Variants in MRAP2 observed in about 807,000 individuals in gnomAD.
The protein encoded by MRAP2 is melanocortin 2 receptor accessory protein 2.
MRAP2 carries 20 observed loss-of-function variants against 17.4 expected under a neutral mutation model. The observed-to-expected ratio is 1.15, with a 90% CI of 0.81 to 1.67. MRAP2 has a LOEUF of 1.67. Ranked by LOEUF, MRAP2 falls within the 40% of genes most tolerant of loss-of-function variation. The pLI is 0.00. For synonymous variants in MRAP2, 96 were observed against 88.4 expected (o/e 1.09, Z -0.48); for missense variants, 238 against 240.0 (o/e 0.99, Z 0.05).
At chr6:84,112,931 A>G in the MRAP2 span, among the ~76,000 whole-genome samples, 1 of 152,118 alleles carries the variant, frequency 6.6e-6, no homozygotes, top group African/African-American at 2.4e-5. Context: ...TTTAATCCTG[A>G]GTTCTAATTT....
chr6:84,121,076 A>AT, the MRAP2 span, among the ~76,000 whole-genome samples: 5 of 143,126 alleles, frequency 3.5e-5, no homozygotes, highest in African/African-American at 8.9e-5. Context: ...TTTATTTTTT[A>AT]ATTTTTTTTT....
At chr6:84,128,187 T>C in the MRAP2 span, among the ~76,000 whole-genome samples, 9 of 152,212 alleles carry the variant, frequency 5.9e-5, no homozygotes, top group African/African-American at 2.2e-4. Context: ...TAAACATTCA[T>C]TGGTAAATCA....
Position 84,071,814 on chromosome 6 carries a change from C to T in MRAP2, c.227+8822C>T, listed in dbSNP as rs528345358. Among the ~76,000 whole-genome samples, 233 of 152,186 alleles carry T rather than the reference C, an allele frequency of 1.5e-3. 2 individuals carry two copies. Among genetic ancestry groups the T allele is most frequent in the African/African-American group, 5.3e-3 (221 of 41,548 alleles). On this transcript the variant is annotated intron_variant, in intron 3 of 3. Transcript: ENST00000257776. ...TTCAATGTGTTGGATTGGGTTAATT[C>T]GAAGACCTTGTCTTCGAGCTCTGAA...
the MRAP2 span, among the ~76,000 whole-genome samples, chr6:84,098,346 T>G: frequency 1.3e-5 from 2 of 152,214 alleles, no homozygotes; most frequent in African/African-American, 4.8e-5. Flanking sequence ...CATAATTTGC[T>G]TATCTATTTA....
chr6:84,051,920 T>TC (rs1562875206), intron 1 of MRAP2, among the ~76,000 whole-genome samples: 1 of 152,086 alleles, frequency 6.6e-6, no homozygotes, highest in Non-Finnish European at 1.5e-5. Flanking sequence ...TCTCCCGTCT[T>TC]CCCCAACAAT....
intron 1 of MRAP2, among the ~76,000 whole-genome samples, chr6:84,054,263 C>G (rs2099491145): frequency 6.6e-6 from 1 of 152,194 alleles, no homozygotes; most frequent in African/African-American, 2.4e-5. Context: ...GCCCACCCCA[C>G]AGTGTGCGGT....
the MRAP2 span, among the ~76,000 whole-genome samples, chr6:84,106,202 A>G: frequency 6.6e-6 from 1 of 152,172 alleles, no homozygotes; most frequent in Non-Finnish European, 1.5e-5. Context: ...GGCCACTGAC[A>G]TACTTCTTTG....
Position 84,089,101 on chromosome 6 carries a change from T to G in MRAP2, c.238T>G (p.Ser80Ala). The change falls in exon 4 of 4, where the codon TCC becomes GCC. Residue 80 changes from serine (S) to alanine (A), a missense_variant. By Grantham distance (99) the Ser-to-Ala change is moderately conservative (BLOSUM62 1). Transcript: ENST00000257776. The part of the protein sequence containing the change: ...TGAPHQDNAE[S>A]SEKRFRMNSF... ...TCTTTTTTTAAATAGCAATGCAGAG[T>G]CCTCAGAGAAGAGATTCAGAATGAA... 1 of 1,610,606 alleles carries G rather than the reference T, an allele frequency of 6.2e-7. No individual in the cohort carries two copies. Among genetic ancestry groups the G allele is most frequent in the African/African-American group, 1.3e-5 (1 of 74,544 alleles).
chr6:84,111,185 T>G, the MRAP2 span, among the ~76,000 whole-genome samples: 2 of 152,214 alleles, frequency 1.3e-5, no homozygotes, highest in Non-Finnish European at 2.9e-5. Context: ...ATCTATAAAT[T>G]ACTTTGGGCA....
intron 2 of MRAP2, among the ~76,000 whole-genome samples, chr6:84,058,934 G>A (rs1218607962): frequency 6.6e-6 from 1 of 152,202 alleles, no homozygotes; most frequent in Non-Finnish European, 1.5e-5. Context: ...GGGGTAAAAG[G>A]TTGATGGAAT....
chr6:84,097,226 G>T, the MRAP2 span, among the ~76,000 whole-genome samples: 2 of 152,132 alleles, frequency 1.3e-5, no homozygotes, highest in African/African-American at 4.8e-5. Flanking sequence ...GTGTGGTGGG[G>T]TAGGGCAGGG....
At chr6:84,095,373 C>T (rs1290104451), downstream of MRAP2, among the ~76,000 whole-genome samples, 1 of 152,238 alleles carries the variant, frequency 6.6e-6, no homozygotes, top group African/African-American at 2.4e-5. Context: ...CCCCTGCTCA[C>T]TTTACATGCA....
chr6:84,097,903 C>T, the MRAP2 span, among the ~76,000 whole-genome samples: 2 of 152,184 alleles, frequency 1.3e-5, no homozygotes, highest in Non-Finnish European at 2.9e-5. Flanking sequence ...GGCTGATTAT[C>T]TCAGTCGAAT....
At chr6:84,046,299 A>G (rs2129160651) in intron 1 of MRAP2, among the ~76,000 whole-genome samples, 1 of 152,212 alleles carries the variant, frequency 6.6e-6, no homozygotes, top group African/African-American at 2.4e-5. Flanking sequence ...TCTCTAGAAA[A>G]CATTCCCCAG....
At chr6:84,041,115 T>G (rs866828687) in intron 1 of MRAP2, among the ~76,000 whole-genome samples, 1 of 152,186 alleles carries the variant, frequency 6.6e-6, no homozygotes, top group South Asian at 2.1e-4. Flanking sequence ...TCCTAGTCAT[T>G]GCAGCCATGG....
chr6:84,104,232 C>T, the MRAP2 span, among the ~76,000 whole-genome samples: 2 of 152,166 alleles, frequency 1.3e-5, no homozygotes, highest in African/African-American at 4.8e-5. Flanking sequence ...GAATGCAGGG[C>T]ACCAAGTCCC....
chr6:84,086,510 A>G (rs1482190763), intron 3 of MRAP2, among the ~76,000 whole-genome samples: 1 of 152,236 alleles, frequency 6.6e-6, no homozygotes, highest in Non-Finnish European at 1.5e-5. Flanking sequence ...AACTTTCACA[A>G]CATACAGGTC....
chr6:84,129,545 G>A, the MRAP2 span, among the ~76,000 whole-genome samples: 1 of 151,844 alleles, frequency 6.6e-6, no homozygotes, highest in Admixed American at 6.6e-5. Context: ...TTTTTTTCTT[G>A]TAAATTTGTT....
At position 84,068,445 on chromosome 6, in the gene MRAP2, G is replaced by T. The variant is rs536831631; in HGVS notation, c.227+5453G>T. ...AGAATGATGGTGGTATTTTGATGGA[G>T]ATTGCATTGAATTTGTAGATTGCAT... On this transcript the variant is annotated intron_variant, in intron 3 of 3. Coordinates refer to ENST00000257776, the MANE Select transcript of MRAP2 (RefSeq NM_138409.4). 1.4e-3 allele frequency among the ~76,000 whole-genome samples: 217 copies of T among 152,254 alleles called. 2 individuals carry two copies. The highest frequency in any genetic ancestry group is 2.3e-3 in the Non-Finnish European group (155 of 68,020).
Sources: allele counts gnomAD v4.1 joint callset (sites outside exome capture counted in the v4.1 genomes callset), GRCh38; gene constraint gnomAD v4.1.1; transcripts MANE v1.5; gene names NCBI Gene and HGNC (gene_info 2026-07-23, HGNC 2026-07-21).